SHISA9: variants seen among roughly 807,000 people sequenced by gnomAD.
SHISA9 encodes protein shisa-9.
Under a neutral mutation model 38.0 loss-of-function variants are expected in SHISA9, and 13 were observed. That is an observed-to-expected ratio of 0.34 (90% CI 0.22 to 0.54). The LOEUF (loss-of-function observed/expected upper bound fraction) is 0.54. Among genes scored for constraint, SHISA9 ranks in the 20% least tolerant of loss-of-function variants. The probability of loss-of-function intolerance (pLI) is 0.91; values close to 1 mark genes in which losing one functional copy is unlikely to be tolerated. For synonymous variants in SHISA9, 275 were observed against 242.0 expected (o/e 1.14, Z -1.27); for missense variants, 538 against 575.8 (o/e 0.93, Z 0.67).
the SHISA9 span, among the ~76,000 whole-genome samples, chr16:13,358,259 G>A: frequency 1.3e-5 from 2 of 152,132 alleles, no homozygotes; most frequent in Admixed American, 6.5e-5. Flanking sequence ...TGTCTACCTG[G>A]GAGCATGAGG....
At chr16:13,330,025 A>G in the SHISA9 span, among the ~76,000 whole-genome samples, 1 of 152,222 alleles carries the variant, frequency 6.6e-6, no homozygotes, top group Non-Finnish European at 1.5e-5. Flanking sequence ...ATCCAGGTGG[A>G]TCAGCCATGG....
intron 2 of SHISA9, among the ~76,000 whole-genome samples, chr16:13,094,087 C>G (rs964345897): frequency 2.0e-5 from 3 of 152,138 alleles, no homozygotes; most frequent in Non-Finnish European, 2.9e-5. Flanking sequence ...TTTCCATTCT[C>G]TCTTTGTCCT....
the SHISA9 span, among the ~76,000 whole-genome samples, chr16:13,520,674 A>C: frequency 8.3e-3 from 1,261 of 151,454 alleles, 19 homozygotes; most frequent in African/African-American, 0.029. Flanking sequence ...TCACAAAGAC[A>C]AAATTCTTCA....
intron 2 of SHISA9, among the ~76,000 whole-genome samples, chr16:13,083,682 C>T (rs979790097): frequency 2.6e-5 from 4 of 152,100 alleles, no homozygotes; most frequent in South Asian, 2.1e-4. Context: ...CTATGGGCTG[C>T]TTGTGTTTGT....
chr16:12,945,977 G>A (rs2071683770), intron 2 of SHISA9, among the ~76,000 whole-genome samples: 1 of 152,174 alleles, frequency 6.6e-6, no homozygotes, highest in African/African-American at 2.4e-5. Flanking sequence ...ATGTGGTGGT[G>A]CACACCTGTA....
chr16:13,061,917 G>T (rs2073381039), intron 2 of SHISA9, among the ~76,000 whole-genome samples: 1 of 152,256 alleles, frequency 6.6e-6, no homozygotes, highest in African/African-American at 2.4e-5. Context: ...AGACGGAAGA[G>T]CCTGCACAAG....
At chr16:13,444,298 A>T in the SHISA9 span, among the ~76,000 whole-genome samples, 4 of 151,432 alleles carry the variant, frequency 2.6e-5, no homozygotes, top group East Asian at 7.9e-4. Flanking sequence ...TTGAGCCCAG[A>T]GGGTGGAAGT....
At chr16:13,019,909 TTCTTTC>T (rs1158530698) in intron 2 of SHISA9, among the ~76,000 whole-genome samples, 10 of 70,132 alleles carry the variant, frequency 1.4e-4, no homozygotes, top group African/African-American at 4.5e-4. Flanking sequence ...CTTTCTTTCT[TTCTTTC>T]TTTCTTTCTT....
the SHISA9 span, among the ~76,000 whole-genome samples, chr16:13,536,474 T>C: frequency 6.6e-6 from 1 of 152,174 alleles, no homozygotes; most frequent in African/African-American, 2.4e-5. Flanking sequence ...ACCCAGAACA[T>C]TGTAGACTCT....
intron 2 of SHISA9, among the ~76,000 whole-genome samples, chr16:13,087,453 G>C (rs1480229876): frequency 6.6e-6 from 1 of 152,156 alleles, no homozygotes; most frequent in Non-Finnish European, 1.5e-5. Context: ...CAGTGTAAAA[G>C]CATTCCTGTT....
intron 2 of SHISA9, among the ~76,000 whole-genome samples, chr16:13,128,135 G>T (rs1282938902): frequency 2.0e-5 from 3 of 152,148 alleles, no homozygotes. Context: ...CCTGGTGACA[G>T]AGTCACTTGG....
the SHISA9 span, among the ~76,000 whole-genome samples, chr16:13,280,965 A>G: frequency 2.0e-5 from 3 of 151,820 alleles, no homozygotes; most frequent in African/African-American, 7.2e-5. Context: ...TTGATGCAAA[A>G]GTAATTTTGC....
chr16:13,278,545 C>A, the SHISA9 span, among the ~76,000 whole-genome samples: 8 of 151,972 alleles, frequency 5.3e-5, no homozygotes, highest in African/African-American at 1.9e-4. Flanking sequence ...CCATCTGGTC[C>A]CGGAGTTTTT....
chr16:13,370,372 C>T, the SHISA9 span, among the ~76,000 whole-genome samples: 2 of 152,106 alleles, frequency 1.3e-5, no homozygotes, highest in African/African-American at 2.4e-5. Flanking sequence ...AAACAAAGGT[C>T]CTGGAACAAG....
the SHISA9 span, among the ~76,000 whole-genome samples, chr16:13,254,347 G>A: frequency 1.3e-5 from 2 of 152,098 alleles, no homozygotes; most frequent in African/African-American, 2.4e-5. Context: ...CAGATTTAGG[G>A]GAGAGAGAAG....
chr16:13,493,612 G>A, the SHISA9 span, among the ~76,000 whole-genome samples: 3 of 152,216 alleles, frequency 2.0e-5, no homozygotes, highest in Non-Finnish European at 4.4e-5. Flanking sequence ...TTCACTTGGA[G>A]ACTGTGATGG....
At chr16:13,414,397 C>T in the SHISA9 span, among the ~76,000 whole-genome samples, 1 of 152,130 alleles carries the variant, frequency 6.6e-6, no homozygotes, top group Non-Finnish European at 1.5e-5. Context: ...TTCTAGCACA[C>T]AGGGAGAAAA....
At chr16:13,419,611 G>T in the SHISA9 span, among the ~76,000 whole-genome samples, 1 of 152,186 alleles carries the variant, frequency 6.6e-6, no homozygotes, top group Non-Finnish European at 1.5e-5. Context: ...AGTAGAGGAG[G>T]TAATTTAGAG....
At chr16:13,523,977 T>C in the SHISA9 span, among the ~76,000 whole-genome samples, 1 of 152,150 alleles carries the variant, frequency 6.6e-6, no homozygotes, top group Non-Finnish European at 1.5e-5. Context: ...GATTTATAAA[T>C]GGGGAAACTG....
Sources: gnomAD v4.1 joint callset for allele counts (sites outside exome capture counted in the v4.1 genomes callset) on GRCh38, gnomAD v4.1.1 for gene constraint, MANE v1.5 for transcripts, NCBI Gene and HGNC (gene_info 2026-07-23, HGNC 2026-07-21) for gene names.